Variants in OR7E24 observed in about 807,000 individuals in gnomAD.
OR7E24 encodes the protein olfactory receptor family 7 subfamily E member 24, also known as olfactory receptor 7E24.
For synonymous variants in OR7E24, 130 were observed against 157.5 expected (o/e 0.83, Z 1.31); for missense variants, 385 against 410.3 (o/e 0.94, Z 0.53).
At chr19:9,240,852 C>T in the OR7E24 span, among the ~76,000 whole-genome samples, 2 of 152,166 alleles carry the variant, frequency 1.3e-5, no homozygotes, top group African/African-American at 4.8e-5. Context: ...CAGTCTCTCT[C>T]TGTCACCCAG....
upstream of OR7E24, among the ~76,000 whole-genome samples, chr19:9,244,185 G>T (rs1050213142): frequency 1.3e-5 from 2 of 152,192 alleles, no homozygotes; most frequent in African/African-American, 4.8e-5. Flanking sequence ...AAGCCTAGCA[G>T]GTTTTGTTAC....
chr19:9,227,822 C>G, the OR7E24 span, among the ~76,000 whole-genome samples: 1 of 138,396 alleles, frequency 7.2e-6, no homozygotes, highest in Non-Finnish European at 1.5e-5. Flanking sequence ...GGCGGGATCT[C>G]GGCTCACTGC....
At chr19:9,218,803 T>C in the OR7E24 span, among the ~76,000 whole-genome samples, 1 of 152,112 alleles carries the variant, frequency 6.6e-6, no homozygotes, top group South Asian at 2.1e-4. Context: ...TTTCTTTTTT[T>C]GTTATTGTTT....
the OR7E24 span, among the ~76,000 whole-genome samples, chr19:9,218,636 T>A: frequency 6.6e-6 from 1 of 151,988 alleles, no homozygotes; most frequent in Admixed American, 6.6e-5. Context: ...GCAAATGGAT[T>A]TTTTTTTGGG....
the OR7E24 span, among the ~76,000 whole-genome samples, chr19:9,241,403 T>C: frequency 1.3e-5 from 2 of 152,200 alleles, no homozygotes; most frequent in Admixed American, 1.3e-4. Flanking sequence ...ACCAGCCTCT[T>C]GTCCATGACA....
the OR7E24 span, among the ~76,000 whole-genome samples, chr19:9,241,985 C>T: frequency 7.0e-4 from 107 of 152,198 alleles, no homozygotes; most frequent in African/African-American, 2.5e-3. Context: ...GGTCCATTTT[C>T]TTAGAGCCAC....
the OR7E24 span, chr19:9,214,678 G>A: frequency 1.6e-4 from 253 of 1,614,136 alleles, 3 homozygotes; most frequent in South Asian, 2.4e-3. Flanking sequence ...GTGTGGAGGT[G>A]GGAGTCAGAG....
At chr19:9,224,996 A>G in the OR7E24 span, among the ~76,000 whole-genome samples, 2 of 152,186 alleles carry the variant, frequency 1.3e-5, no homozygotes, top group Non-Finnish European at 2.9e-5. Context: ...CTGAAAAAGA[A>G]ATGACAACCA....
chr19:9,214,247 A>G, the OR7E24 span: 2 of 1,614,076 alleles, frequency 1.2e-6, no homozygotes, highest in African/African-American at 2.7e-5. Flanking sequence ...CATACAAGAC[A>G]ATGTTATTGA....
At chr19:9,241,186 G>A in the OR7E24 span, among the ~76,000 whole-genome samples, 3 of 152,140 alleles carry the variant, frequency 2.0e-5, no homozygotes, top group Non-Finnish European at 4.4e-5. Context: ...ACTTTCCTTT[G>A]CATCGAGTTT....
At chr19:9,213,704 C>T in the OR7E24 span, 7,143 of 571,628 alleles carry the variant, frequency 0.012, 375 homozygotes, top group African/African-American at 0.12. Context: ...CACCACTGCA[C>T]TCTAGCCTGG....
At chr19:9,221,725 T>C in the OR7E24 span, among the ~76,000 whole-genome samples, 1 of 152,156 alleles carries the variant, frequency 6.6e-6, no homozygotes, top group South Asian at 2.1e-4. Flanking sequence ...TTTTGGATAT[T>C]AGCCCCATAT....
upstream of OR7E24, among the ~76,000 whole-genome samples, chr19:9,250,032 A>G (rs201088430): frequency 6.6e-6 from 1 of 152,144 alleles, no homozygotes; most frequent in East Asian, 1.9e-4. Context: ...GTTGCACACT[A>G]TCAACATCTT....
the OR7E24 span, among the ~76,000 whole-genome samples, chr19:9,232,712 G>A: frequency 1.3e-5 from 2 of 152,030 alleles, no homozygotes; most frequent in Non-Finnish European, 2.9e-5. Context: ...CTCGGAGAGA[G>A]CTTTTCTCTT....
the OR7E24 span, among the ~76,000 whole-genome samples, chr19:9,218,834 A>G: frequency 6.6e-6 from 1 of 152,016 alleles, no homozygotes; most frequent in African/African-American, 2.4e-5. Context: ...GGGTTTTGCC[A>G]TGTTAGCCAG....
chr19:9,235,179 C>A, the OR7E24 span: 1 of 1,382,204 alleles, frequency 7.2e-7, no homozygotes, highest in Non-Finnish European at 1.0e-6. Flanking sequence ...TATCAGAATT[C>A]CTCCTCTTAG....
At chr19:9,239,506 G>C in the OR7E24 span, among the ~76,000 whole-genome samples, 13 of 151,854 alleles carry the variant, frequency 8.6e-5, no homozygotes, top group African/African-American at 2.9e-4. Context: ...ATTCTAACAC[G>C]TACAAGGTGA....
At chr19:9,235,814 CCTT>C in the OR7E24 span, 2 of 1,611,376 alleles carry the variant, frequency 1.2e-6, no homozygotes, top group African/African-American at 1.3e-5. Context: ...ATTGTCTCCT[CCTT>C]AATGAGAATG....
At chr19:9,246,466 TTGTG>T (rs34518365), upstream of OR7E24, among the ~76,000 whole-genome samples, 4,719 of 130,950 alleles carry the variant, frequency 0.036, 108 homozygotes, top group South Asian at 0.056. Context: ...CTTAAAGGTA[TTGTG>T]TGTGTGTGTG....
Sources: allele counts gnomAD v4.1 joint callset (sites outside exome capture counted in the v4.1 genomes callset), GRCh38; gene constraint gnomAD v4.1.1; transcripts MANE v1.5; gene names NCBI Gene and HGNC (gene_info 2026-07-23, HGNC 2026-07-21).